Variants in TTC28 observed in about 807,000 individuals in gnomAD.
TTC28 encodes the protein tetratricopeptide repeat protein 28.
A neutral mutation model predicts 198.0 loss-of-function variants in TTC28; 61 were observed. The observed-to-expected ratio is 0.31, with a 90% CI of 0.25 to 0.38. The LOEUF is 0.38. TTC28 is among the 10% of genes least tolerant of loss of function. The pLI, the probability that TTC28 is intolerant of heterozygous loss-of-function variation, is 1.00. For synonymous variants in TTC28, 1,171 were observed against 1,297.8 expected, an observed-to-expected ratio of 0.90 and a Z score of 2.10; for missense variants, 2,678 against 3,164.0, an observed-to-expected ratio of 0.85 and a Z score of 3.69.
chr22:28,066,262 C>G (rs1317928500), intron 12 of TTC28, among the ~76,000 whole-genome samples: 1 of 151,008 alleles, frequency 6.6e-6, no homozygotes, highest in Non-Finnish European at 1.5e-5. Flanking sequence ...CATTAATTAC[C>G]TTACCTAGTT....
chr22:28,229,171 A>C (rs1315788121), intron 5 of TTC28, among the ~76,000 whole-genome samples: 1 of 152,152 alleles, frequency 6.6e-6, no homozygotes, highest in African/African-American at 2.4e-5. Flanking sequence ...ACAAACAAAC[A>C]AAAAAACTAC....
intron 12 of TTC28, among the ~76,000 whole-genome samples, chr22:28,090,368 A>C (rs1203626268): frequency 1.3e-5 from 2 of 152,072 alleles, no homozygotes; most frequent in African/African-American, 4.8e-5. Context: ...TATGTGATTA[A>C]ACATTTGGCT....
At chr22:28,574,574 ATTTTTAGC>A (rs1423360500) in intron 2 of TTC28, among the ~76,000 whole-genome samples, 1 of 152,090 alleles carries the variant, frequency 6.6e-6, no homozygotes. Flanking sequence ...TGGCAATTCT[ATTTTTAGC>A]TTTTTGAGGA....
intron 12 of TTC28, among the ~76,000 whole-genome samples, chr22:28,048,442 A>G (rs28385597): frequency 0.14 from 21,621 of 151,920 alleles, 1,628 homozygotes; most frequent in Non-Finnish European, 0.17. Flanking sequence ...AGAGGCAGCA[A>G]TAATTAAGAC....
intron 2 of TTC28, among the ~76,000 whole-genome samples, chr22:28,446,667 A>G (rs2047707672): frequency 6.6e-6 from 1 of 152,182 alleles, no homozygotes; most frequent in African/African-American, 2.4e-5. Flanking sequence ...TCAGAAGCAG[A>G]TGTTGGTGCC....
At chr22:28,090,752 C>T (rs1397093136) in intron 12 of TTC28, among the ~76,000 whole-genome samples, 1 of 152,156 alleles carries the variant, frequency 6.6e-6, no homozygotes, top group Non-Finnish European at 1.5e-5. Context: ...AATAATACTT[C>T]AGTGAAATTT....
At chr22:28,317,750 C>T (rs150106818) in intron 2 of TTC28, among the ~76,000 whole-genome samples, 21 of 152,150 alleles carry the variant, frequency 1.4e-4, no homozygotes, top group Non-Finnish European at 2.8e-4. Context: ...TGTTGCCATA[C>T]ATATCCTGTA....
chr22:28,167,623 C>G (rs1922153875), intron 5 of TTC28, among the ~76,000 whole-genome samples: 1 of 152,204 alleles, frequency 6.6e-6, no homozygotes, highest in Non-Finnish European at 1.5e-5. Context: ...TTCAACAATG[C>G]TTCATGCTAA....
intron 2 of TTC28, among the ~76,000 whole-genome samples, chr22:28,444,367 T>C (rs553823313): frequency 2.0e-5 from 3 of 152,318 alleles, no homozygotes; most frequent in Non-Finnish European, 2.9e-5. Flanking sequence ...TATATGCAGA[T>C]TGATCACTAA....
At chr22:28,454,449 T>A (rs1453966789) in intron 2 of TTC28, among the ~76,000 whole-genome samples, 3 of 152,200 alleles carry the variant, frequency 2.0e-5, no homozygotes, top group Non-Finnish European at 1.5e-5. Context: ...AAGGGATGCC[T>A]GTAAATACCT....
chr22:28,230,140 G>T (rs570621514), intron 5 of TTC28, among the ~76,000 whole-genome samples: 19 of 152,164 alleles, frequency 1.2e-4, no homozygotes, highest in Non-Finnish European at 1.9e-4. Context: ...CATCACTTCC[G>T]CAGTGAAAGG....
At chr22:28,477,665 C>A (rs1342576410) in intron 2 of TTC28, among the ~76,000 whole-genome samples, 1 of 152,158 alleles carries the variant, frequency 6.6e-6, no homozygotes, top group African/African-American at 2.4e-5. Context: ...AGTGGCCTTC[C>A]TGAATTCACC....
At chr22:28,244,222 A>G (rs985975330) in intron 5 of TTC28, among the ~76,000 whole-genome samples, 15 of 152,254 alleles carry the variant, frequency 9.9e-5, no homozygotes, top group African/African-American at 3.6e-4. Context: ...GGGGAGTGAC[A>G]GAATGAATTA....
Position 28,108,457 on chromosome 22 carries a change from TAGAA to T in TTC28, c.1442-58_1442-55del. On this transcript the variant is annotated intron_variant, in intron 6 of 22. Transcript: ENST00000397906. ...AGACTGAAATAACTGATTTGCAATGTAGAAAGAAATGTAATTTGCATCTCAATTT... is the reference window on the plus strand; with the variant it reads ...AGACTGAAATAACTGATTTGCAATGTAGAAATGTAATTTGCATCTCAATTT... 4.4e-6 allele frequency: 6 copies of T among 1,357,478 alleles called. No homozygotes were observed. The South Asian group carries it at 8.4e-5, about 19-fold the overall frequency. 84.1% of individuals were successfully genotyped at this position (1,357,478 alleles called of 1,614,324 possible).
intron 13 of TTC28, among the ~76,000 whole-genome samples, chr22:28,025,547 T>C (rs1432728302): frequency 6.6e-6 from 1 of 152,132 alleles, no homozygotes; most frequent in African/African-American, 2.4e-5. Flanking sequence ...CACGCCTCCG[T>C]ACAGCCCTAA....
chr22:28,505,084 G>A (rs550002696), intron 2 of TTC28, among the ~76,000 whole-genome samples: 9 of 151,634 alleles, frequency 5.9e-5, no homozygotes, highest in South Asian at 2.1e-4. Flanking sequence ...GTGAAACCCC[G>A]TCTCTATTAA....
chr22:28,627,140 G>T (rs2051088799), intron 2 of TTC28, among the ~76,000 whole-genome samples: 1 of 152,046 alleles, frequency 6.6e-6, no homozygotes, highest in Non-Finnish European at 1.5e-5. Context: ...AGATATATAT[G>T]CAAAACCTTG....
intron 2 of TTC28, among the ~76,000 whole-genome samples, chr22:28,540,863 T>A (rs2049396596): frequency 1.3e-5 from 2 of 152,146 alleles, no homozygotes. Context: ...AAACTACACA[T>A]AAGTCAATGG....
At chr22:28,305,006 T>A (rs552138692) in intron 3 of TTC28, among the ~76,000 whole-genome samples, 1 of 124,154 alleles carries the variant, frequency 8.1e-6, no homozygotes, top group East Asian at 2.3e-4. Flanking sequence ...TTATTTATTT[T>A]GAGACGGAGT....
Sources: gnomAD v4.1 joint callset for allele counts (sites outside exome capture counted in the v4.1 genomes callset) on GRCh38, gnomAD v4.1.1 for gene constraint, MANE v1.5 for transcripts, NCBI Gene and HGNC (gene_info 2026-07-23, HGNC 2026-07-21) for gene names.